WHRN: variants seen among roughly 807,000 people sequenced by gnomAD.
WHRN encodes the protein CASK-interacting protein CIP98.
WHRN carries 41 observed loss-of-function variants against 68.3 expected under a neutral mutation model. That is an observed-to-expected ratio of 0.60 (90% CI 0.47 to 0.78). The LOEUF is 0.78. WHRN is among the 30% of genes least tolerant of loss of function. The pLI, the probability that WHRN is intolerant of heterozygous loss-of-function variation, is 0.00. For synonymous variants in WHRN, 560 were observed against 561.3 expected (o/e 1.00, Z 0.03); for missense variants, 1,243 against 1,244.7 (o/e 1.00, Z 0.02).
At position 114,423,343 on chromosome 9, in the gene WHRN, C is replaced by A; in HGVS notation, c.1597G>T (p.Gly533Cys). Residue 533 changes from glycine (G) to cysteine (C), a missense_variant, in exon 7 of 12, where the codon GGC becomes TGC. Physicochemically the swap from Gly to Cys is radical, Grantham distance 159. Coordinates refer to ENST00000362057, the MANE Select transcript of WHRN (RefSeq NM_015404.4). ...SDTGSSTGSH[G>C]TSTTVSSARN... is the part of the protein sequence containing the mutation. ...GCCGAGCTGACGGTGGTGGAGGTGC[C>A]GTGGCTGCCTGTGGATGAACCCGTG... 3 of 1,613,938 alleles carry A rather than the reference C, an allele frequency of 1.9e-6. No individual in the cohort carries two copies. Among genetic ancestry groups the A allele is most frequent in the Non-Finnish European group, 2.5e-6 (3 of 1,179,922 alleles).
At chr9:114,437,470 G>A (rs1417379300) in intron 3 of WHRN, among the ~76,000 whole-genome samples, 1 of 152,198 alleles carries the variant, frequency 6.6e-6, no homozygotes, top group African/African-American at 2.4e-5. Context: ...CAACCAGCAT[G>A]TTATGGGCTG....
intron 2 of WHRN, among the ~76,000 whole-genome samples, chr9:114,475,015 G>A (rs1488807949): frequency 1.3e-5 from 2 of 152,164 alleles, no homozygotes; most frequent in African/African-American, 4.8e-5. Context: ...TGCTGGCCAG[G>A]ATGTGGAGGA....
At chr9:114,472,232 A>AC (rs1195027393) in intron 2 of WHRN, among the ~76,000 whole-genome samples, 2 of 152,034 alleles carry the variant, frequency 1.3e-5, no homozygotes, top group African/African-American at 4.8e-5. Context: ...CCTCATATGC[A>AC]CCTGGTCCCT....
At chr9:114,485,929 G>T (rs1281775903) in intron 1 of WHRN, among the ~76,000 whole-genome samples, 1 of 152,128 alleles carries the variant, frequency 6.6e-6, no homozygotes, top group Non-Finnish European at 1.5e-5. Context: ...TGGGAGGTTT[G>T]CTTGAGCCCA....
intron 4 of WHRN, chr9:114,425,520 T>C: frequency 3.1e-6 from 1 of 326,274 alleles, no homozygotes; most frequent in Non-Finnish European, 5.7e-6. Flanking sequence ...CTGGTATCTT[T>C]CTAGATGTTG....
intron 3 of WHRN, 51 bp downstream of exon 3, chr9:114,466,216 C>T: frequency 6.2e-7 from 1 of 1,611,458 alleles, no homozygotes; most frequent in Non-Finnish European, 8.5e-7. Context: ...TTAAAATCAG[C>T]AGCAAAGAGC....
chr9:114,406,271 C>G (rs10982200), intron 9 of WHRN, 84 bp downstream of exon 9: 1 of 1,587,130 alleles, frequency 6.3e-7, no homozygotes, highest in Non-Finnish European at 8.6e-7. Context: ...AGCTGGTCCC[C>G]CCCTTCACTG....
Position 114,504,622 on chromosome 9 carries a change from G to C in WHRN, c.180C>G (p.His60Gln). Residue 60 changes from histidine (H) to glutamine (Q), a missense_variant, in exon 1 of 12, where the codon CAC becomes CAG. Transcript: ENST00000362057. Reference sequence around the variant, plus strand: ...GGCGCGCGTGGTAAGCGTTCAGGCAGTGGGTGAACTGCTCCCGCTCCGCCT... The same window carrying C: ...GGCGCGCGTGGTAAGCGTTCAGGCACTGGGTGAACTGCTCCCGCTCCGCCT... ...LSEAEREQFT[H>Q]CLNAYHARRN... is the part of the protein sequence containing the mutation. 6.2e-7 allele frequency: 1 copy of C among 1,610,336 alleles called. No homozygotes were observed. The highest frequency in any genetic ancestry group is 8.5e-7 in the Non-Finnish European group (1 of 1,178,956).
intron 2 of WHRN, among the ~76,000 whole-genome samples, chr9:114,470,041 C>T (rs796752411): frequency 2.3e-4 from 35 of 152,360 alleles, no homozygotes; most frequent in African/African-American, 8.4e-4. Flanking sequence ...CGGGGCCCAC[C>T]CAGACAATCC....
At chr9:114,425,189 G>A (rs1389490583) in intron 4 of WHRN, 165 bp from the exon 5 acceptor site, 3 of 766,038 alleles carry the variant, frequency 3.9e-6, no homozygotes, top group Non-Finnish European at 7.1e-6. Context: ...AGGGGTAAAG[G>A]AAACTCCGGA....
At chr9:114,444,232 T>C (rs968614541) in intron 3 of WHRN, among the ~76,000 whole-genome samples, 4 of 152,190 alleles carry the variant, frequency 2.6e-5, no homozygotes, top group African/African-American at 9.7e-5. Context: ...TAAGAAGCAT[T>C]TGACAAAATG....
intron 6 of WHRN, 62 bp downstream of exon 6, chr9:114,424,272 G>T (rs1836595219): frequency 3.8e-6 from 6 of 1,568,674 alleles, no homozygotes; most frequent in Non-Finnish European, 5.3e-6. Context: ...AGGAGCGGGG[G>T]CAGGGCAGGA....
chr9:114,470,798 G>T (rs1174668128), intron 2 of WHRN, among the ~76,000 whole-genome samples: 1 of 152,086 alleles, frequency 6.6e-6, no homozygotes, highest in Non-Finnish European at 1.5e-5. Flanking sequence ...CTCCTTGGGT[G>T]ACCTGCAGTC....
intron 7 of WHRN, among the ~76,000 whole-genome samples, chr9:114,412,421 T>C (rs1835512848): frequency 2.0e-5 from 3 of 152,144 alleles, no homozygotes; most frequent in Admixed American, 6.5e-5. Context: ...AGTGAGGGCA[T>C]AGACCTGGCG....
At chr9:114,436,382 T>G (rs1330394539) in intron 3 of WHRN, among the ~76,000 whole-genome samples, 6 of 152,216 alleles carry the variant, frequency 3.9e-5, no homozygotes, top group African/African-American at 1.4e-4. Context: ...CCATATTTGC[T>G]CATCAACTGT....
At chr9:114,448,094 C>T (rs1838993627) in intron 3 of WHRN, among the ~76,000 whole-genome samples, 2 of 152,152 alleles carry the variant, frequency 1.3e-5, no homozygotes, top group African/African-American at 4.8e-5. Context: ...GCCCCCAGTA[C>T]CTGTGAATGT....
chr9:114,477,653 A>T (rs541244941), intron 2 of WHRN, among the ~76,000 whole-genome samples: 2 of 152,262 alleles, frequency 1.3e-5, no homozygotes, highest in South Asian at 4.2e-4. Flanking sequence ...GGGAATCTTC[A>T]GGGGAAGGAC....
chr9:114,411,144 C>T (rs189611039), intron 7 of WHRN, among the ~76,000 whole-genome samples: 13 of 152,244 alleles, frequency 8.5e-5, no homozygotes, highest in Admixed American at 7.2e-4. Context: ...GAATGAACCG[C>T]GAGACGTGTC....
chr9:114,452,113 G>A (rs1839389779), intron 3 of WHRN, among the ~76,000 whole-genome samples: 1 of 152,154 alleles, frequency 6.6e-6, no homozygotes, highest in African/African-American at 2.4e-5. Context: ...AGCAACATAG[G>A]AAAGGTAAAG....
Sources: gnomAD v4.1 joint callset for allele counts (sites outside exome capture counted in the v4.1 genomes callset) on GRCh38, gnomAD v4.1.1 for gene constraint, MANE v1.5 for transcripts, NCBI Gene and HGNC (gene_info 2026-07-23, HGNC 2026-07-21) for gene names.